Variants in GNA14 observed in about 807,000 individuals in gnomAD.
GNA14 encodes the protein guanine nucleotide-binding protein subunit alpha-14.
Under a neutral mutation model 42.0 loss-of-function variants are expected in GNA14, and 50 were observed. The observed-to-expected ratio is 1.19, with a 90% CI of 0.95 to 1.51. The LOEUF is 1.51. Ranked by LOEUF, GNA14 falls within the 40% of genes most tolerant of loss-of-function variation. The pLI is 0.00. For missense variants in GNA14, 473 were observed against 446.2 expected (o/e 1.06, Z -0.54); for synonymous variants, 173 against 163.1 (o/e 1.06, Z -0.46).
chr9:77,566,921 A>C (rs975504587), intron 1 of GNA14, among the ~76,000 whole-genome samples: 3 of 152,192 alleles, frequency 2.0e-5, no homozygotes, highest in Non-Finnish European at 4.4e-5. Context: ...ACGCTAATTA[A>C]AAATAATAAT....
intron 1 of GNA14, among the ~76,000 whole-genome samples, chr9:77,602,085 C>T (rs867132185): frequency 2.0e-5 from 3 of 152,222 alleles, no homozygotes; most frequent in Non-Finnish European, 2.9e-5. Context: ...CTCACACATA[C>T]GTCTTCCCTG....
At chr9:77,457,526 C>A (rs769908179) in intron 2 of GNA14, among the ~76,000 whole-genome samples, 1 of 152,136 alleles carries the variant, frequency 6.6e-6, no homozygotes, top group Non-Finnish European at 1.5e-5. Flanking sequence ...TGTGATGGAC[C>A]GGCAATGCCC....
chr9:77,448,947 T>C (rs553379142), intron 2 of GNA14, among the ~76,000 whole-genome samples: 1 of 152,282 alleles, frequency 6.6e-6, no homozygotes, highest in South Asian at 2.1e-4. Context: ...TAATTTAGAT[T>C]GTGGACCTGC....
chr9:77,627,391 G>A (rs895470412), intron 1 of GNA14, among the ~76,000 whole-genome samples: 2 of 152,150 alleles, frequency 1.3e-5, no homozygotes, highest in Admixed American at 6.5e-5. Flanking sequence ...TAGGTGGCCA[G>A]CATTATCCTG....
chr9:77,615,359 A>C (rs1183879773), intron 1 of GNA14, among the ~76,000 whole-genome samples: 1 of 152,104 alleles, frequency 6.6e-6, no homozygotes, highest in Non-Finnish European at 1.5e-5. Flanking sequence ...TACAATATGG[A>C]ATATCTGAAA....
At chr9:77,452,715 G>C (rs1835936676) in intron 2 of GNA14, among the ~76,000 whole-genome samples, 1 of 150,582 alleles carries the variant, frequency 6.6e-6, no homozygotes, top group Non-Finnish European at 1.5e-5. Context: ...CTGAAAGTTT[G>C]TGTCTCTCCA....
At chr9:77,556,394 T>C (rs1822782492) in intron 1 of GNA14, among the ~76,000 whole-genome samples, 1 of 152,056 alleles carries the variant, frequency 6.6e-6, no homozygotes, top group African/African-American at 2.4e-5. Context: ...AGAGGGGCCA[T>C]GACATGATAC....
intron 1 of GNA14, chr9:77,580,481 G>C: frequency 2.6e-6 from 1 of 379,608 alleles, no homozygotes; most frequent in East Asian, 6.0e-5. Context: ...ACACCAGATA[G>C]CTGCATCATC....
At chr9:77,621,349 A>G (rs1823918548) in intron 1 of GNA14, among the ~76,000 whole-genome samples, 1 of 152,246 alleles carries the variant, frequency 6.6e-6, no homozygotes, top group South Asian at 2.1e-4. Flanking sequence ...ATATAATTAC[A>G]TTGTAGATAG....
intron 1 of GNA14, among the ~76,000 whole-genome samples, chr9:77,538,124 G>A (rs75387512): frequency 0.03 from 4,503 of 149,780 alleles, 240 homozygotes; most frequent in African/African-American, 0.11. Flanking sequence ...AGCCCAGAGT[G>A]CAGAGGTACA....
chr9:77,491,049 C>T (rs1836765351), intron 2 of GNA14, among the ~76,000 whole-genome samples: 2 of 152,190 alleles, frequency 1.3e-5, no homozygotes, highest in African/African-American at 4.8e-5. Flanking sequence ...CCATACAGTC[C>T]AGGAGGAAGT....
chr9:77,445,406 G>A (rs1043282688), intron 2 of GNA14, among the ~76,000 whole-genome samples: 1 of 149,456 alleles, frequency 6.7e-6, no homozygotes, highest in African/African-American at 2.5e-5. Context: ...GGCCAGTGGA[G>A]CTGCTTCTCA....
At chr9:77,452,572 A>ATC (rs1564018276) in intron 2 of GNA14, among the ~76,000 whole-genome samples, 13 of 5,696 alleles carry the variant, frequency 2.3e-3, no homozygotes, top group East Asian at 3.8e-3. Flanking sequence ...GTGTGTGTGT[A>ATC]TGTGCATGTG....
At chr9:77,632,702 T>C (rs1824118593) in intron 1 of GNA14, among the ~76,000 whole-genome samples, 1 of 152,182 alleles carries the variant, frequency 6.6e-6, no homozygotes, top group Non-Finnish European at 1.5e-5. Context: ...GTGGCGTGCC[T>C]GGTCTGGCCG....
chr9:77,465,834 TGG>T (rs1836213123), intron 2 of GNA14, among the ~76,000 whole-genome samples: 2 of 152,184 alleles, frequency 1.3e-5, no homozygotes, highest in African/African-American at 4.8e-5. Context: ...CTTGACCTCC[TGG>T]GCTCAAGCAG....
chr9:77,455,162 G>T (rs547055187), intron 2 of GNA14, among the ~76,000 whole-genome samples: 128 of 152,274 alleles, frequency 8.4e-4, no homozygotes, highest in African/African-American at 2.9e-3. Context: ...AGGTCCTCAG[G>T]ACTGTAGGAC....
intron 2 of GNA14, among the ~76,000 whole-genome samples, chr9:77,467,416 T>C (rs1836254993): frequency 6.6e-6 from 1 of 151,738 alleles, no homozygotes; most frequent in Non-Finnish European, 1.5e-5. Flanking sequence ...GAATACAGCC[T>C]TGTGTACACC....
intron 1 of GNA14, among the ~76,000 whole-genome samples, chr9:77,626,687 C>A (rs1824017193): frequency 6.6e-6 from 1 of 152,000 alleles, no homozygotes; most frequent in Admixed American, 6.6e-5. Context: ...TATTTGAAAG[C>A]AATGAGTACA....
rs187291086 is a variant in GNA14 at position 77,541,761 on chromosome 9, T to C, written c.125-12508A>G. ...CTTTTTTTCTTTATTTTTGTCTGAT[T>C]TGATTACATTAAAAGATCTGTATTC... On this transcript the variant is annotated intron_variant, in intron 1 of 6. Transcript: ENST00000341700. Among the ~76,000 whole-genome samples the C allele has an allele frequency of 3.5e-3, 532 of 152,302 alleles. 4 individuals carry two copies. The highest frequency in any genetic ancestry group is 0.012 in the African/African-American group (511 of 41,580).
Sources: allele counts gnomAD v4.1 joint callset (sites outside exome capture counted in the v4.1 genomes callset), GRCh38; gene constraint gnomAD v4.1.1; transcripts MANE v1.5; gene names NCBI Gene and HGNC (gene_info 2026-07-23, HGNC 2026-07-21).